Variants in PIERCE2 observed in about 807,000 individuals in gnomAD.
The protein encoded by PIERCE2 is piercer of microtubule wall 2 protein.
At chr15:55,416,381 G>T in the PIERCE2 span, among the ~76,000 whole-genome samples, 1 of 152,108 alleles carries the variant, frequency 6.6e-6, no homozygotes, top group Non-Finnish European at 1.5e-5. Context: ...ATTTACAGGT[G>T]TGAGCCATTG....
chr15:55,412,614 T>C, the PIERCE2 span, among the ~76,000 whole-genome samples: 1 of 152,128 alleles, frequency 6.6e-6, no homozygotes, highest in Admixed American at 6.6e-5. Flanking sequence ...ACATTAATAA[T>C]TGACTGAAAG....
chr15:55,417,862 T>C, the PIERCE2 span: 1 of 332,768 alleles, frequency 3.0e-6, no homozygotes, highest in Non-Finnish European at 5.5e-6. Context: ...AGGATTTGGG[T>C]AGGTAATGGA....
At chr15:55,408,593 C>G in the PIERCE2 span, 1 of 411,060 alleles carries the variant, frequency 2.4e-6, no homozygotes, top group Admixed American at 4.4e-5. Context: ...GGGAAAACAG[C>G]TCCCCGGATT....
chr15:55,417,035 T>C, the PIERCE2 span, among the ~76,000 whole-genome samples: 5 of 68,486 alleles, frequency 7.3e-5, no homozygotes, highest in East Asian at 1.1e-3. Flanking sequence ...CTATATATTG[T>C]CATCATTACT....
the PIERCE2 span, chr15:55,408,627 G>C: frequency 3.0e-5 from 18 of 601,402 alleles, no homozygotes; most frequent in Admixed American, 1.4e-4. Flanking sequence ...TACACATACT[G>C]ATCCACCCAG....
At chr15:55,409,321 C>A in the PIERCE2 span, among the ~76,000 whole-genome samples, 3 of 152,016 alleles carry the variant, frequency 2.0e-5, no homozygotes, top group African/African-American at 7.2e-5. Flanking sequence ...AGCAGAATTG[C>A]TTGAACCTGG....
the PIERCE2 span, chr15:55,418,228 G>T: frequency 6.4e-7 from 1 of 1,572,314 alleles, no homozygotes; most frequent in Non-Finnish European, 8.6e-7. Flanking sequence ...TTTAGGATAA[G>T]AAAAGTACTT....
the PIERCE2 span, among the ~76,000 whole-genome samples, chr15:55,411,697 G>A: frequency 2.6e-5 from 4 of 152,102 alleles, no homozygotes; most frequent in South Asian, 4.2e-4. Context: ...CGAGGCGGGC[G>A]GATCACCTGA....
the PIERCE2 span, chr15:55,418,752 A>G: frequency 2.0e-6 from 1 of 502,414 alleles, no homozygotes; most frequent in Non-Finnish European, 3.4e-6. Flanking sequence ...TATGTTCAAA[A>G]TAGCAAAATA....
chr15:55,412,220 C>A, the PIERCE2 span, among the ~76,000 whole-genome samples: 2 of 151,418 alleles, frequency 1.3e-5, no homozygotes, highest in African/African-American at 4.9e-5. Context: ...ACCAGTTTTA[C>A]AGATAATATA....
chr15:55,411,059 T>G, the PIERCE2 span: 1 of 152,082 alleles, frequency 6.6e-6, no homozygotes, highest in Non-Finnish European at 1.5e-5. Flanking sequence ...AACTTATGAG[T>G]ATTAAGTGAA....
chr15:55,415,165 G>A, the PIERCE2 span, among the ~76,000 whole-genome samples: 2 of 151,786 alleles, frequency 1.3e-5, no homozygotes, highest in East Asian at 2.0e-4. Context: ...CTCAGACACC[G>A]AGTTAAAGAA....
the PIERCE2 span, chr15:55,408,865 AC>A: frequency 6.1e-6 from 6 of 985,662 alleles, no homozygotes; most frequent in Admixed American, 7.5e-5. Flanking sequence ...TACTCCTACC[AC>A]CCCCAACCCC....
chr15:55,411,156 C>G, the PIERCE2 span: 1 of 152,074 alleles, frequency 6.6e-6, no homozygotes, highest in Non-Finnish European at 1.5e-5. Context: ...TGAGGTAAAC[C>G]TGCAAAAAAG....
At chr15:55,413,910 T>G in the PIERCE2 span, among the ~76,000 whole-genome samples, 3 of 151,916 alleles carry the variant, frequency 2.0e-5, no homozygotes, top group East Asian at 5.8e-4. Context: ...ATGCTTTTTT[T>G]TTTTTGAGAC....
the PIERCE2 span, among the ~76,000 whole-genome samples, chr15:55,409,633 A>C: frequency 6.6e-6 from 1 of 152,312 alleles, no homozygotes; most frequent in East Asian, 1.9e-4. Flanking sequence ...ACTATATTCA[A>C]CATCAACAGT....
At chr15:55,409,605 A>C in the PIERCE2 span, among the ~76,000 whole-genome samples, 1 of 152,092 alleles carries the variant, frequency 6.6e-6, no homozygotes, top group South Asian at 2.1e-4. Flanking sequence ...TTTATTTTTT[A>C]TTTTTGCTTT....
the PIERCE2 span, among the ~76,000 whole-genome samples, chr15:55,412,545 T>G: frequency 1.3e-5 from 2 of 152,176 alleles, no homozygotes; most frequent in Admixed American, 1.3e-4. Flanking sequence ...ATATTTTCAG[T>G]CCCCTTATTC....
At chr15:55,411,616 T>A in the PIERCE2 span, among the ~76,000 whole-genome samples, 1 of 151,800 alleles carries the variant, frequency 6.6e-6, no homozygotes, top group Non-Finnish European at 1.5e-5. Flanking sequence ...TGAAACCCCA[T>A]CTCTACTAAA....
Sources: gnomAD v4.1 joint callset for allele counts (sites outside exome capture counted in the v4.1 genomes callset) on GRCh38, gnomAD v4.1.1 for gene constraint, MANE v1.5 for transcripts, NCBI Gene and HGNC (gene_info 2026-07-23, HGNC 2026-07-21) for gene names.